ZDHHC11: variants seen among roughly 807,000 people sequenced by gnomAD.
ZDHHC11 encodes zDHHC palmitoyltransferase 11, also known as palmitoyltransferase ZDHHC11.
Under a neutral mutation model 51.3 loss-of-function variants are expected in ZDHHC11, and 44 were observed. The observed-to-expected ratio is 0.86, with a 90% CI of 0.67 to 1.10. The LOEUF is 1.10. Among genes scored for constraint, ZDHHC11 ranks in the 50% least tolerant of loss-of-function variants. The pLI, the probability that ZDHHC11 is intolerant of heterozygous loss-of-function variation, is 0.00. For missense variants in ZDHHC11, 400 were observed against 537.7 expected, an observed-to-expected ratio of 0.74 and a Z score of 2.53; for synonymous variants, 163 against 222.0, an observed-to-expected ratio of 0.73 and a Z score of 2.36.
intron 8 of ZDHHC11, among the ~76,000 whole-genome samples, chr5:824,770 A>T (rs1264445544): frequency 3.4e-4 from 35 of 102,956 alleles, no homozygotes; most frequent in Non-Finnish European, 5.6e-4. Context: ...CATTTTATTT[A>T]AAAAAAAAAA....
chr5:837,585 T>G, intron 5 of ZDHHC11, 105 bp from the exon 6 acceptor site: 1 of 1,271,456 alleles, frequency 7.9e-7, no homozygotes. Context: ...ATCCGGCCCC[T>G]GCACAGGGAG....
At chr5:807,430 T>C (rs1212124633) in intron 11 of ZDHHC11, among the ~76,000 whole-genome samples, 5 of 151,306 alleles carry the variant, frequency 3.3e-5, no homozygotes, top group African/African-American at 1.2e-4. Context: ...CAGACAAAGA[T>C]GATGTCAGAC....
At chr5:857,954 G>C (rs1294405882) in intron 1 of ZDHHC11, among the ~76,000 whole-genome samples, 2 of 144,620 alleles carry the variant, frequency 1.4e-5, no homozygotes, top group African/African-American at 5.2e-5. Flanking sequence ...CAGGCCCCTA[G>C]AGTCTGTCCT....
intron 10 of ZDHHC11, chr5:816,750 C>T: frequency 9.9e-6 from 5 of 506,918 alleles, no homozygotes; most frequent in South Asian, 8.6e-5. Flanking sequence ...TTCTCGTGGC[C>T]CACAGAAAAG....
In ZDHHC11 at chr5:813,783, A is replaced by G. The variant is rs1317151692; in HGVS notation, c.1181+978T>C. ...GGGCCGGCTGGGACTCCCTGCAGTG[A>G]TGGGAGGAATATGGCAGGCAGGCTG... On this transcript the variant is annotated intron_variant, in intron 11 of 12. Coordinates refer to ENST00000283441, the MANE Select transcript of ZDHHC11 (RefSeq NM_024786.3). 3.0e-4 allele frequency among the ~76,000 whole-genome samples: 44 copies of G among 146,798 alleles called. 2 individuals are homozygous for G. The highest frequency in any genetic ancestry group is 4.9e-4 in the Non-Finnish European group (33 of 67,266).
upstream of ZDHHC11, among the ~76,000 whole-genome samples, chr5:860,165 G>A (rs1748717827): frequency 6.6e-6 from 1 of 152,184 alleles, no homozygotes; most frequent in African/African-American, 2.4e-5. The surrounding 1 kb of genome is among the most constrained non-coding windows in gnomAD (Gnocchi z 4.2). Flanking sequence ...TGCCCAGGAC[G>A]ACATGGGGGG....
chr5:856,498 A>C (rs1393010353), intron 1 of ZDHHC11, among the ~76,000 whole-genome samples: 1 of 151,148 alleles, frequency 6.6e-6, no homozygotes, highest in African/African-American at 2.4e-5. Context: ...CACAACACAC[A>C]CCACCCACAC....
At chr5:799,339 G>T (rs1319902843) in intron 12 of ZDHHC11, among the ~76,000 whole-genome samples, 5 of 151,044 alleles carry the variant, frequency 3.3e-5, no homozygotes, top group African/African-American at 1.2e-4. Flanking sequence ...GAAGAAGGCT[G>T]AGACCCTCAC....
rs1489358844 is a variant in ZDHHC11, at chr5:850,590, A to G, written c.13T>C (p.Ser5Pro). MDTR[S>P]GSQCSVTPEA... ...GGGGTGACGGAACACTGGCTCCCGG[A>G]GCGGGTGTCCATCTGCAGGACACAG... The change falls in exon 1 of 13, where the codon TCC becomes CCC. Residue 5 changes from serine (S) to proline (P), a missense_variant. Around this residue, in one of 5 missense-constraint regions of ZDHHC11, gnomAD observed 119 missense variants for 99.6 expected, o/e 1.20. Transcript: ENST00000283441. The G allele has an allele frequency of 6.2e-7, 1 of 1,613,128 alleles. No homozygotes were observed. Among genetic ancestry groups the G allele is most frequent in the Non-Finnish European group, 8.5e-7 (1 of 1,179,978 alleles).
chr5:798,549 C>G (rs1456854522), intron 12 of ZDHHC11, among the ~76,000 whole-genome samples: 1 of 150,116 alleles, frequency 6.7e-6, no homozygotes, highest in Non-Finnish European at 1.5e-5. Context: ...TTTATGCCAT[C>G]GGTCTGTATT....
At chr5:835,909 C>T (rs1470482306) in intron 6 of ZDHHC11, among the ~76,000 whole-genome samples, 137 of 150,726 alleles carry the variant, frequency 9.1e-4, no homozygotes, top group Non-Finnish European at 1.7e-3. Flanking sequence ...GATGTGCGAG[C>T]GTGTATTTTA....
chr5:810,499 C>T (rs1476703857), intron 11 of ZDHHC11, among the ~76,000 whole-genome samples: 1 of 151,244 alleles, frequency 6.6e-6, no homozygotes, highest in African/African-American at 2.4e-5. Context: ...TGATTAGCAA[C>T]ATCACACCTC....
At chr5:822,417 C>A (rs773206757) in intron 8 of ZDHHC11, among the ~76,000 whole-genome samples, 1 of 151,562 alleles carries the variant, frequency 6.6e-6, no homozygotes, top group Non-Finnish European at 1.5e-5. Flanking sequence ...TGTTGCAACA[C>A]CCCATCCATG....
intron 12 of ZDHHC11, among the ~76,000 whole-genome samples, chr5:800,113 G>A (rs1738201532): frequency 6.6e-6 from 1 of 151,316 alleles, no homozygotes; most frequent in East Asian, 1.9e-4. Context: ...TGCTGGTCAG[G>A]GCTGTGCTGC....
intron 11 of ZDHHC11, among the ~76,000 whole-genome samples, chr5:806,970 C>G (rs1333365135): frequency 6.6e-6 from 1 of 151,254 alleles, no homozygotes; most frequent in East Asian, 1.9e-4. Context: ...CTAGCAATTG[C>G]ACCACTAGGA....
At chr5:799,292 T>G (rs1738070830) in intron 12 of ZDHHC11, among the ~76,000 whole-genome samples, 1 of 151,500 alleles carries the variant, frequency 6.6e-6, no homozygotes, top group South Asian at 2.1e-4. Flanking sequence ...ATGTGATCTC[T>G]GCACATGTCA....
upstream of ZDHHC11, among the ~76,000 whole-genome samples, chr5:851,297 G>A (rs1418161146): frequency 4.6e-5 from 7 of 150,592 alleles, no homozygotes; most frequent in Admixed American, 4.6e-4. Flanking sequence ...TGGCTGGGAG[G>A]TTCTGAACAC....
intron 1 of ZDHHC11, 66 bp downstream of exon 1, chr5:850,315 C>T (rs150929694): frequency 1.3e-6 from 2 of 1,542,408 alleles, no homozygotes; most frequent in Non-Finnish European, 1.8e-6. Flanking sequence ...GACCCCACAG[C>T]CAGGTCCATC....
At chr5:825,362 T>G in intron 7 of ZDHHC11, 111 bp from the exon 8 acceptor site, 2 of 1,127,606 alleles carry the variant, frequency 1.8e-6, no homozygotes, top group Non-Finnish European at 2.7e-6. Context: ...GGGGCACACA[T>G]GTCTCAGAAA....
Sources: allele counts gnomAD v4.1 joint callset (sites outside exome capture counted in the v4.1 genomes callset), GRCh38; gene constraint gnomAD v4.1.1; regional missense constraint gnomAD v4.1.1; non-coding constraint Gnocchi (gnomAD v3.1); transcripts MANE v1.5; gene names NCBI Gene and HGNC (gene_info 2026-07-23, HGNC 2026-07-21).